MGMT: variants seen among roughly 807,000 people sequenced by gnomAD.
MGMT encodes O-6-methylguanine-DNA methyltransferase.
A neutral mutation model predicts 15.9 loss-of-function variants in MGMT; 14 were observed. The ratio of observed to expected loss-of-function variants is 0.88; its 90% CI spans 0.58 to 1.37. The LOEUF is 1.37. Ranked by LOEUF, MGMT falls within the 40% of genes most tolerant of loss-of-function variation. The probability of loss-of-function intolerance (pLI) is 0.00; values close to 1 mark genes in which losing one functional copy is unlikely to be tolerated. For missense variants in MGMT, 282 were observed against 268.1 expected, an observed-to-expected ratio of 1.05 and a Z score of -0.36; for synonymous variants, 130 against 118.2, an observed-to-expected ratio of 1.10 and a Z score of -0.65.
chr10:129,479,356 C>T (rs1845330353), intron 1 of MGMT, among the ~76,000 whole-genome samples: 1 of 149,762 alleles, frequency 6.7e-6, no homozygotes, highest in Admixed American at 6.7e-5. Context: ...GTACAGTTAC[C>T]ATGGGAACCC....
intron 1 of MGMT, among the ~76,000 whole-genome samples, chr10:129,524,622 C>G (rs866718570): frequency 1.5e-5 from 2 of 131,268 alleles, no homozygotes; most frequent in Admixed American, 1.8e-4. Flanking sequence ...GACAGAGTCT[C>G]GCTCTGTCGC....
intron 3 of MGMT, among the ~76,000 whole-genome samples, chr10:129,732,752 C>A (rs1294278632): frequency 6.9e-6 from 1 of 144,812 alleles, no homozygotes; most frequent in Admixed American, 7.2e-5. Flanking sequence ...GTTCGCCTTC[C>A]TGTGTCCATG....
At chr10:129,478,572 T>C (rs1394877522) in intron 1 of MGMT, among the ~76,000 whole-genome samples, 4 of 152,158 alleles carry the variant, frequency 2.6e-5, no homozygotes, top group Non-Finnish European at 4.4e-5. Context: ...CTGCAAAATA[T>C]ATCAAGTTCA....
Position 129,759,340 on chromosome 10 carries a change from C to A in MGMT, c.413C>A (p.Pro138His). 6.2e-7 allele frequency: 1 copy of A among 1,614,162 alleles called. No homozygotes were observed. Reference sequence around the variant, plus strand: ...GTGGGAGGAGCAATGAGAGGCAATCCTGTGAGTTCTCATGGCGCAAGCATG... The same window carrying A: ...GTGGGAGGAGCAATGAGAGGCAATCATGTGAGTTCTCATGGCGCAAGCATG... ...RAVGGAMRGN[P>H]VPILIPCHRV... Residue 138 changes from proline to histidine, a missense_variant and splice_region_variant, in exon 4 of 5, where the codon CCT (proline) becomes CAT (histidine). Physicochemically the swap from Pro to His is moderately conservative, Grantham distance 77. Coordinates refer to ENST00000651593, the MANE Select transcript of MGMT (RefSeq NM_002412.5).
chr10:129,527,766 T>C (rs1272549967), intron 1 of MGMT, among the ~76,000 whole-genome samples: 1 of 139,082 alleles, frequency 7.2e-6, no homozygotes, highest in Non-Finnish European at 1.5e-5. Context: ...TTTCTCCGAC[T>C]TCATCCCAGG....
intron 3 of MGMT, among the ~76,000 whole-genome samples, chr10:129,722,625 C>T (rs1337584420): frequency 6.6e-6 from 1 of 152,202 alleles, no homozygotes; most frequent in Non-Finnish European, 1.5e-5. Flanking sequence ...AGGATCAAAA[C>T]TTAGAACAGT....
chr10:129,618,711 T>C (rs1256865712), intron 2 of MGMT, among the ~76,000 whole-genome samples: 1 of 152,248 alleles, frequency 6.6e-6, no homozygotes, highest in Non-Finnish European at 1.5e-5. Flanking sequence ...ATATTCCACA[T>C]AAATTTATCC....
intron 4 of MGMT, among the ~76,000 whole-genome samples, chr10:129,762,918 G>T (rs557860634): frequency 1.2e-4 from 18 of 152,020 alleles, no homozygotes; most frequent in Non-Finnish European, 2.5e-4. Flanking sequence ...TTGTTCACCA[G>T]GATTTAGGTA....
At chr10:129,696,675 G>A (rs926914710) in intron 2 of MGMT, among the ~76,000 whole-genome samples, 3 of 152,238 alleles carry the variant, frequency 2.0e-5, no homozygotes, top group African/African-American at 7.2e-5. Context: ...CTACCCATTC[G>A]CTCAGTGGGC....
chr10:129,621,781 T>C (rs999422154), intron 2 of MGMT, among the ~76,000 whole-genome samples: 4 of 152,236 alleles, frequency 2.6e-5, no homozygotes, highest in Admixed American at 2.6e-4. Flanking sequence ...TTTTCAAAAA[T>C]AGTGTGGACA....
chr10:129,474,923 G>T (rs538718178), intron 1 of MGMT, among the ~76,000 whole-genome samples: 1 of 152,092 alleles, frequency 6.6e-6, no homozygotes, highest in Non-Finnish European at 1.5e-5. Context: ...GTAGGGAGAC[G>T]TGCTTGTCAC....
chr10:129,582,046 G>A (rs1421118689), intron 2 of MGMT, among the ~76,000 whole-genome samples: 2 of 152,216 alleles, frequency 1.3e-5, no homozygotes, highest in African/African-American at 4.8e-5. Context: ...ACTGTCCCAG[G>A]TGGGTGGTGG....
intron 2 of MGMT, among the ~76,000 whole-genome samples, chr10:129,667,747 T>A (rs1847676061): frequency 6.6e-6 from 1 of 152,258 alleles, no homozygotes; most frequent in Admixed American, 6.5e-5. Flanking sequence ...TGCCTGTTGC[T>A]CCACTCGGGT....
rs114924132 is a variant in MGMT, at chr10:129,757,043, G to A, written c.275-2159G>A. Among the ~76,000 whole-genome samples the A allele has an allele frequency of 9.2e-3, 1,404 of 152,300 alleles. 19 individuals are homozygous for A. The highest frequency in any genetic ancestry group is 0.031 in the African/African-American group (1,290 of 41,570). ...GCTGCTTCAACTAATTACTGCATTC[G>A]TTCGCTGCAGGGTGAAACAGAGTTT... On this transcript the variant is annotated intron_variant, in intron 3 of 4. Coordinates refer to ENST00000651593, the MANE Select transcript of MGMT (RefSeq NM_002412.5).
chr10:129,733,098 G>T (rs1290628672), intron 3 of MGMT, among the ~76,000 whole-genome samples: 2 of 147,580 alleles, frequency 1.4e-5, no homozygotes, highest in Non-Finnish European at 3.0e-5. Context: ...GGGTCAAATG[G>T]TATTTCTAGT....
chr10:129,573,411 G>A (rs563009988), intron 2 of MGMT, among the ~76,000 whole-genome samples: 1 of 152,224 alleles, frequency 6.6e-6, no homozygotes, highest in East Asian at 1.9e-4. Flanking sequence ...GTCAAAACTA[G>A]GAGATTAACA....
chr10:129,673,458 G>A (rs10764896), intron 2 of MGMT, among the ~76,000 whole-genome samples: 80,810 of 151,976 alleles, frequency 0.53, 21,873 homozygotes, highest in East Asian at 0.76. Flanking sequence ...TTTAGTCTCT[G>A]TGTCTTGGTT....
intron 2 of MGMT, among the ~76,000 whole-genome samples, chr10:129,698,901 C>T (rs1169134061): frequency 6.6e-6 from 1 of 152,178 alleles, no homozygotes; most frequent in Admixed American, 6.5e-5. Context: ...TCAGGCACCG[C>T]AAGTGGGGTC....
At chr10:129,635,173 C>CGG in intron 2 of MGMT, among the ~76,000 whole-genome samples, 1 of 152,218 alleles carries the variant, frequency 6.6e-6, no homozygotes, top group South Asian at 2.1e-4. Flanking sequence ...CTGTCATCCT[C>CGG]ACAGATAGCT....
Sources: gnomAD v4.1 joint callset for allele counts (sites outside exome capture counted in the v4.1 genomes callset) on GRCh38, gnomAD v4.1.1 for gene constraint, MANE v1.5 for transcripts, NCBI Gene and HGNC (gene_info 2026-07-23, HGNC 2026-07-21) for gene names.